SOX6: variants seen among roughly 807,000 people sequenced by gnomAD.
The protein encoded by SOX6 is SRY-box transcription factor 6.
SOX6 carries 11 observed loss-of-function variants against 97.8 expected under a neutral mutation model. The ratio of observed to expected loss-of-function variants is 0.11; its 90% CI spans 0.07 to 0.19. The LOEUF (loss-of-function observed/expected upper bound fraction) is 0.19, where lower values mean the gene tolerates loss of function less well. Among genes scored for constraint, SOX6 ranks in the 10% least tolerant of loss-of-function variants. SOX6 has a pLI of 1.00. For synonymous variants in SOX6, 360 were observed against 371.4 expected (o/e 0.97, Z 0.35); for missense variants, 810 against 1,039.5 (o/e 0.78, Z 3.04).
At chr11:16,602,047 A>C (rs543442157) in intron 4 of SOX6, among the ~76,000 whole-genome samples, 3 of 152,224 alleles carry the variant, frequency 2.0e-5, no homozygotes, top group Non-Finnish European at 4.4e-5. Context: ...AATCAGCTTA[A>C]GGTATAGGTA....
At chr11:16,656,552 T>C (rs374935269) in intron 3 of SOX6, among the ~76,000 whole-genome samples, 2 of 152,050 alleles carry the variant, frequency 1.3e-5, no homozygotes, top group East Asian at 1.9e-4. Context: ...ATTTAGAGAG[T>C]TTCACATACT....
intron 3 of SOX6, among the ~76,000 whole-genome samples, chr11:16,288,578 T>A (rs139548730): frequency 6.6e-6 from 1 of 152,056 alleles, no homozygotes; most frequent in East Asian, 1.9e-4. Context: ...TACTTTTTAG[T>A]AAGATATTTT....
intron 3 of SOX6, among the ~76,000 whole-genome samples, chr11:16,254,766 T>A (rs1853633174): frequency 6.6e-6 from 1 of 152,024 alleles, no homozygotes; most frequent in Admixed American, 6.6e-5. Flanking sequence ...GGGTAGGTAC[T>A]AATCCAACTA....
chr11:16,388,414 T>C (rs982049122), intron 1 of SOX6, among the ~76,000 whole-genome samples: 6 of 152,146 alleles, frequency 3.9e-5, no homozygotes, highest in African/African-American at 1.4e-4. Context: ...GTTAGGGTTA[T>C]GCTGGCCTCA....
At chr11:16,329,020 A>G (rs143651527) in intron 2 of SOX6, among the ~76,000 whole-genome samples, 1 of 152,300 alleles carries the variant, frequency 6.6e-6, no homozygotes, top group East Asian at 1.9e-4. Flanking sequence ...ATTAAAACTG[A>G]TATTTGCTAG....
At chr11:16,540,785 A>G (rs1420131285) in intron 4 of SOX6, among the ~76,000 whole-genome samples, 1 of 152,192 alleles carries the variant, frequency 6.6e-6, no homozygotes, top group Non-Finnish European at 1.5e-5. Context: ...GACCTCTTCA[A>G]GGAGAACTAC....
At chr11:16,366,849 T>A (rs181257979) in intron 1 of SOX6, among the ~76,000 whole-genome samples, 114 of 152,198 alleles carry the variant, frequency 7.5e-4, no homozygotes, top group Middle Eastern at 3.4e-3. Context: ...ATAACACAAG[T>A]GTAAGAGCAT....
At chr11:16,007,640 A>C (rs969673512) in intron 13 of SOX6, among the ~76,000 whole-genome samples, 3 of 152,128 alleles carry the variant, frequency 2.0e-5, no homozygotes, top group African/African-American at 7.2e-5. Context: ...ATGCTCATTA[A>C]ATCCCATTAC....
In SOX6 at chr11:16,613,575, T is replaced by G. The variant is rs1326629377; in HGVS notation, n.430-1315A>C. 6.6e-6 allele frequency among the ~76,000 whole-genome samples: 1 copy of G among 151,862 alleles called. No individual in the cohort carries two copies. Among genetic ancestry groups the G allele is most frequent in the African/African-American group, 2.4e-5 (1 of 41,336 alleles). On this transcript the variant is annotated intron_variant and non_coding_transcript_variant, in intron 3 of 5. Coordinates refer to the SOX6 transcript ENST00000524520. This position sits in a 1 kb window ranked among gnomAD's most constrained non-coding sequence, Gnocchi z 4.6. Reference sequence around the variant, plus strand: ...TCCCAAACGGGTTCGGCCAAGGGTTTCCACCCCATCACCACTTCCCGCTGC... The same window carrying G: ...TCCCAAACGGGTTCGGCCAAGGGTTGCCACCCCATCACCACTTCCCGCTGC...
intron 3 of SOX6, among the ~76,000 whole-genome samples, chr11:16,635,780 C>G (rs1306220937): frequency 6.6e-6 from 1 of 152,184 alleles, no homozygotes; most frequent in Non-Finnish European, 1.5e-5. Context: ...GTCCTGAATC[C>G]CAGCCACTCC....
At chr11:16,728,318 A>G (rs1411323600) in intron 2 of SOX6, among the ~76,000 whole-genome samples, 2 of 152,150 alleles carry the variant, frequency 1.3e-5, no homozygotes, top group Admixed American at 6.5e-5. Flanking sequence ...CAGACACCCC[A>G]CACAGGAGAG....
chr11:16,240,274 T>TTGTG (rs1853145529), intron 3 of SOX6, among the ~76,000 whole-genome samples: 2 of 69,578 alleles, frequency 2.9e-5, no homozygotes, highest in African/African-American at 1.2e-4. Context: ...CTAGATAATA[T>TTGTG]AGTGTGTGTG....
At chr11:15,997,323 A>G (rs1461000966) in intron 13 of SOX6, among the ~76,000 whole-genome samples, 1 of 152,200 alleles carries the variant, frequency 6.6e-6, no homozygotes, top group Non-Finnish European at 1.5e-5. Flanking sequence ...TAAGAATAAT[A>G]TTGCGTAAAG....
chr11:16,117,827 G>A (rs1346358201), intron 6 of SOX6, among the ~76,000 whole-genome samples: 3 of 152,100 alleles, frequency 2.0e-5, no homozygotes, highest in African/African-American at 4.8e-5. Context: ...GACATGCCAG[G>A]AAAGGCAGTC....
At chr11:16,494,773 G>A (rs1289319706) in intron 4 of SOX6, among the ~76,000 whole-genome samples, 2 of 152,138 alleles carry the variant, frequency 1.3e-5, no homozygotes, top group East Asian at 3.9e-4. Flanking sequence ...GGAAGTGAAA[G>A]ACCCTCAGTG....
At chr11:16,673,996 T>C (rs1314847442) in intron 3 of SOX6, among the ~76,000 whole-genome samples, 1 of 151,996 alleles carries the variant, frequency 6.6e-6, no homozygotes, top group Non-Finnish European at 1.5e-5. Flanking sequence ...AAGACCATCC[T>C]GGCTAACATG....
At chr11:16,024,795 C>T (rs550679551) in intron 12 of SOX6, among the ~76,000 whole-genome samples, 1 of 152,184 alleles carries the variant, frequency 6.6e-6, no homozygotes, top group East Asian at 1.9e-4. Context: ...CTAATGTCTG[C>T]AGAGCTTCTT....
intron 3 of SOX6, among the ~76,000 whole-genome samples, chr11:16,236,628 G>A (rs867271604): frequency 3.9e-5 from 6 of 151,906 alleles, no homozygotes; most frequent in Non-Finnish European, 8.8e-5. Context: ...TAGTATAGTA[G>A]TCAAAGATAA....
At chr11:16,026,775 C>A (rs773253256) in intron 12 of SOX6, among the ~76,000 whole-genome samples, 6 of 152,046 alleles carry the variant, frequency 3.9e-5, no homozygotes, top group Non-Finnish European at 8.8e-5. Context: ...GTGGAAGAAG[C>A]TTTTCTTAAG....
Sources: allele counts gnomAD v4.1 joint callset (sites outside exome capture counted in the v4.1 genomes callset), GRCh38; gene constraint gnomAD v4.1.1; non-coding constraint Gnocchi (gnomAD v3.1); transcripts MANE v1.5; gene names NCBI Gene and HGNC (gene_info 2026-07-23, HGNC 2026-07-21).